The following COL1A1 variants were observed in gnomAD, a reference collection of about 807,000 sequenced individuals.
COL1A1 encodes collagen type I alpha 1 chain.
In COL1A1, 21 loss-of-function variants were observed where a neutral mutation model predicts 195.7. That is an observed-to-expected ratio of 0.11 (90% CI 0.08 to 0.15). The LOEUF is 0.15. Ranked by LOEUF, COL1A1 falls within the 10% of genes least tolerant of loss-of-function variation. COL1A1 has a pLI of 1.00. For missense variants in COL1A1, 1,365 were observed against 2,051.0 expected (o/e 0.67, Z 6.46); for synonymous variants, 749 against 747.3 (o/e 1.00, Z -0.04).
In COL1A1 at chr17:50,194,749, G is replaced by A. The variant is rs1484842263; in HGVS notation, c.1433C>T (p.Thr478Ile). The A allele has an allele frequency of 2.5e-6, 4 of 1,571,954 alleles. No individual in the cohort carries two copies. The change falls in exon 21 of 51, where the codon ACT becomes ATT. Residue 478 changes from threonine to isoleucine, a missense_variant. Transcript: ENST00000225964. The surrounding 1 kb of genome is among the most constrained non-coding windows in gnomAD (Gnocchi z 6.8). ...KRGARGEPGP[T>I]GLPGPPGERG... ...CTCGCCAGGGGGTCCGGGCAGGCCA[G>A]TGGGTCCGGGTTCACCTCGAGCTCC...
intron 9 of COL1A1, 129 bp from the exon 10 acceptor site, chr17:50,197,362 T>C: frequency 2.2e-6 from 2 of 902,526 alleles, no homozygotes; most frequent in Non-Finnish European, 3.6e-6. Context: ...AATCTTATCT[T>C]TGAATCTAGA....
In COL1A1 at chr17:50,189,646, C is replaced by T. The variant is rs1567755569; in HGVS notation, c.2667+33G>A. Reference sequence around the variant, plus strand: ...GGCAGCCCCCACCCAGCACCCCCAACCTAGAGCAGTGGACTCTGCTGCAGA... The same window carrying T: ...GGCAGCCCCCACCCAGCACCCCCAATCTAGAGCAGTGGACTCTGCTGCAGA... On this transcript the variant is annotated intron_variant, in intron 38 of 50. Coordinates refer to ENST00000225964, the MANE Select transcript of COL1A1 (RefSeq NM_000088.4). The surrounding 1 kb of genome is among the most constrained non-coding windows in gnomAD (Gnocchi z 5.5). The T allele has an allele frequency of 1.7e-5, 27 of 1,613,630 alleles. No homozygotes were observed. Among genetic ancestry groups the T allele is most frequent in the Non-Finnish European group, 1.7e-5 (20 of 1,179,788 alleles).
intron 25 of COL1A1, chr17:50,193,737 T>C: frequency 1.7e-6 from 1 of 601,154 alleles, no homozygotes. Flanking sequence ...CGCCTTGGCC[T>C]CCCAAAGTGC....
At position 50,188,252 on chromosome 17, in the gene COL1A1, T is replaced by C. The variant is rs528872105; in HGVS notation, c.3208-103A>G. 3.1e-5 allele frequency: 36 copies of C among 1,178,250 alleles called. No individual in the cohort carries two copies. The highest frequency in any genetic ancestry group is 1.1e-4 in the South Asian group (7 of 63,906). The allele number at this position is 1,178,250 out of a possible 1,614,324, so 73.0% of individuals were successfully genotyped here. ...GCTGGATCTCTCTCTCCTCAGCTGC[T>C]TCCCACTGTGGCCATCTCTCCCAAC... On this transcript the variant is annotated intron_variant, in intron 43 of 50. Coordinates refer to ENST00000225964, the MANE Select transcript of COL1A1 (RefSeq NM_000088.4). This position sits in a 1 kb window ranked among gnomAD's most constrained non-coding sequence, Gnocchi z 5.6.
At position 50,199,754 on chromosome 17, in the gene COL1A1, T is replaced by C; in HGVS notation, c.297A>G (p.Ser99=). ...CCCAGGCCCCGAGCGCAGCCGCACC[T>C]GAGCCGTCGGGGCAGACGGGACAGC... The part of the protein sequence containing the change: ...GECCPVCPDG[S]ESPTDQETTG... The change falls in exon 2 of 51, where the codon TCA becomes TCG. Residue 99 remains serine (S), a splice_region_variant and synonymous_variant. Coordinates refer to ENST00000225964, the MANE Select transcript of COL1A1 (RefSeq NM_000088.4). 1.2e-6 allele frequency: 2 copies of C among 1,611,918 alleles called. No individual in the cohort carries two copies. Among genetic ancestry groups the C allele is most frequent in the Non-Finnish European group, 1.7e-6 (2 of 1,179,636 alleles).
At chr17:50,197,656 G>C in intron 9 of COL1A1, 76 bp downstream of exon 9, 2 of 1,183,854 alleles carry the variant, frequency 1.7e-6, no homozygotes, top group Non-Finnish European at 2.4e-6. Flanking sequence ...TCCCAAATGT[G>C]GTGGAGTGGA....
intron 5 of COL1A1, 58 bp downstream of exon 5, chr17:50,199,168 C>G (rs542766871): frequency 1.4e-6 from 2 of 1,427,832 alleles, no homozygotes; most frequent in South Asian, 1.6e-5. Context: ...ATTATGTCAT[C>G]TGCCAAAAAA....
chr17:50,188,358 G>T lies in COL1A1; in HGVS notation c.3207+172C>A. On this transcript the variant is annotated intron_variant, in intron 43 of 50. Coordinates refer to ENST00000225964, the MANE Select transcript of COL1A1 (RefSeq NM_000088.4). This position sits in a 1 kb window ranked among gnomAD's most constrained non-coding sequence, Gnocchi z 5.6. ...AGAGGCGGTCCTGTCTGGGAGAGGG[G>T]ACTTGGGGCTGAGCTTTAACTCAGT... 1.2e-6 allele frequency: 1 copy of T among 821,028 alleles called. No homozygotes were observed. The highest frequency in any genetic ancestry group is 1.9e-6 in the Non-Finnish European group (1 of 516,082). The allele number at this position is 821,028 out of a possible 1,614,324, so 50.9% of individuals were successfully genotyped here. A position where few individuals can be genotyped will look rare whatever the true frequency, so the allele number is the denominator to read the frequency against.
In COL1A1 at chr17:50,191,970, G is replaced by A. The variant is rs762803642; in HGVS notation, c.2028+10C>T. ...CACCTTGACGGATGCAGCGAGAGAG[G>A]CCTACTTACTCTTGCTCCAGAGGGG... On this transcript the variant is annotated intron_variant, in intron 30 of 50. Coordinates refer to ENST00000225964, the MANE Select transcript of COL1A1 (RefSeq NM_000088.4). The A allele has an allele frequency of 1.2e-6, 2 of 1,612,176 alleles. No homozygotes were observed. The highest frequency in any genetic ancestry group is 1.7e-6 in the Non-Finnish European group (2 of 1,179,360).
intron 25 of COL1A1, chr17:50,193,369 G>T (rs1295396226): frequency 8.2e-6 from 4 of 488,414 alleles, no homozygotes; most frequent in South Asian, 2.3e-5. Flanking sequence ...CATATCAAAG[G>T]CCTGTCCTAT....
chr17:50,185,564 A>C lies in COL1A1; in HGVS notation c.4333T>G (p.Leu1445Val). Residue 1445 changes from leucine to valine, a missense_variant, in exon 51 of 51, where the codon TTG becomes GTG. This residue lies in a region of COL1A1 where 273 missense variants were observed against 338.6 expected (regional missense o/e 0.81). Transcript: ENST00000225964. ...TCCTGGTCTGGGGCACCAACGTCCA[A>C]GGGGGCCACATCGATGATGGGCAGG... ...SRLPIIDVAP[L>V]DVGAPDQEFG... 1 of 1,612,682 alleles carries C rather than the reference A, an allele frequency of 6.2e-7. No homozygotes were observed. Among genetic ancestry groups the C allele is most frequent in the Non-Finnish European group, 8.5e-7 (1 of 1,179,708 alleles).
chr17:50,199,719 GGCC>G (rs775212226), intron 2 of COL1A1, 31 bp downstream of exon 2: 9 of 225,124 alleles, frequency 4.0e-5, no homozygotes, highest in Admixed American at 1.9e-4. Context: ...CCAGGCCCCA[GGCC>G]CCAGGCCCCA....
rs1906782351 is a variant in COL1A1 at position 50,188,685 on chromosome 17, A to G, written c.3100-48T>C. 1 of 1,613,152 alleles carries G rather than the reference A, an allele frequency of 6.2e-7. No individual in the cohort carries two copies. Among genetic ancestry groups the G allele is most frequent in the Non-Finnish European group, 8.5e-7 (1 of 1,179,252 alleles). The stretch of plus-strand genomic sequence containing the variant: ...ATGGGTCAGCCCCGGGTGAAGGGCC[A>G]GGATGGGGCAGGGAAGCAGCAGACA... On this transcript the variant is annotated intron_variant, in intron 42 of 50. Coordinates refer to ENST00000225964, the MANE Select transcript of COL1A1 (RefSeq NM_000088.4). This position sits in a 1 kb window ranked among gnomAD's most constrained non-coding sequence, Gnocchi z 5.6.
rs775462973 is a variant in COL1A1 at position 50,186,684 on chromosome 17, C to A, written c.3770G>T (p.Arg1257Leu). 1.2e-6 allele frequency: 2 copies of A among 1,613,556 alleles called. No homozygotes were observed. Among genetic ancestry groups the A allele is most frequent in the Admixed American group, 3.3e-5 (2 of 60,014 alleles). The stretch of plus-strand genomic sequence containing the variant: ...GCACATCTTGAGGTCACGGCAGGTG[C>A]GGGCGGGGTTCTTGCGGCTGCCCTC... ...SPEGSRKNPA[R>L]TCRDLKMCHS... Residue 1257 changes from arginine (R) to leucine (L), a missense_variant, in exon 48 of 51, where the codon CGC (arginine) becomes CTC (leucine). By Grantham distance (102) the Arg-to-Leu change is moderately radical. Around this residue, in one of 5 missense-constraint regions of COL1A1, gnomAD observed 273 missense variants for 338.6 expected, o/e 0.81. Coordinates refer to ENST00000225964, the MANE Select transcript of COL1A1 (RefSeq NM_000088.4). This position sits in a 1 kb window ranked among gnomAD's most constrained non-coding sequence, Gnocchi z 5.3.
chr17:50,187,106 G>T lies in COL1A1; in HGVS notation c.3440C>A (p.Ala1147Asp). ...GAGTCCATCTTTGCCAGGAGCACCA[G>T]CAGAGCCAGGGGGACCCTGGAGTGG... ...PAGPRGPPGS[A>D]GAPGKDGLNG... is the part of the protein sequence containing the mutation. Residue 1147 changes from alanine to aspartate, a missense_variant, in exon 47 of 51, where the codon GCT (alanine) becomes GAT (aspartate). Physicochemically the swap from Ala to Asp is moderately radical, Grantham distance 126. Around this residue, in one of 5 missense-constraint regions of COL1A1, gnomAD observed 671 missense variants for 1,099.9 expected, o/e 0.61. Coordinates refer to ENST00000225964, the MANE Select transcript of COL1A1 (RefSeq NM_000088.4). The T allele has an allele frequency of 6.2e-7, 1 of 1,611,138 alleles. No homozygotes were observed. Among genetic ancestry groups the T allele is most frequent in the Non-Finnish European group, 8.5e-7 (1 of 1,178,822 alleles).
intron 1 of COL1A1, among the ~76,000 whole-genome samples, chr17:50,200,586 T>A (rs1294513176): frequency 6.6e-6 from 1 of 152,234 alleles, no homozygotes; most frequent in Non-Finnish European, 1.5e-5. Context: ...CAGGTCACTT[T>A]TAGCCAAAGA....
At chr17:50,187,572 G>C (rs1300364471) in intron 45 of COL1A1, 35 bp from the exon 46 acceptor site, 1 of 1,611,502 alleles carries the variant, frequency 6.2e-7, no homozygotes, top group East Asian at 2.2e-5. Flanking sequence ...TTCAGGCCCA[G>C]TGAGCGTCAA....
chr17:50,197,980 G>A lies in COL1A1; in HGVS notation c.611C>T (p.Pro204Leu). 6.2e-7 allele frequency: 1 copy of A among 1,614,088 alleles called. No homozygotes were observed. The highest frequency in any genetic ancestry group is 8.5e-7 in the Non-Finnish European group (1 of 1,179,998). Residue 204 changes from proline to leucine, a missense_variant, in exon 8 of 51, where the codon CCC becomes CTC. Pro to Leu is a moderately conservative substitution (Grantham distance 98). Around this residue, in one of 5 missense-constraint regions of COL1A1, gnomAD observed 226 missense variants for 372.9 expected, o/e 0.61. Coordinates refer to ENST00000225964, the MANE Select transcript of COL1A1 (RefSeq NM_000088.4). ...GAPGPQGFQGPPGEPGEPGAS... is the reference protein window; with the variant it reads ...GAPGPQGFQGLPGEPGEPGAS... ...TCCAGGCTCGCCAGGCTCACCAGGGGGACCTTGGAAGCCTTGGGGACCCTT... is the reference window on the plus strand; with the variant it reads ...TCCAGGCTCGCCAGGCTCACCAGGGAGACCTTGGAAGCCTTGGGGACCCTT...
In COL1A1 at chr17:50,194,551, C is replaced by G. The variant is rs1156288180; in HGVS notation, c.1515+22G>C. The G allele has an allele frequency of 2.6e-5, 41 of 1,602,052 alleles. No homozygotes were observed. The highest frequency in any genetic ancestry group is 3.4e-5 in the Non-Finnish European group (40 of 1,174,548). ...GCCCAGGGAGCGGCAGGGTCAGCCC[C>G]CCGGCCGCAAGGAGAGGTTACCTTG... is the stretch of plus-strand genomic sequence containing the variant. On this transcript the variant is annotated intron_variant, in intron 22 of 50. Transcript: ENST00000225964. The surrounding 1 kb of genome is among the most constrained non-coding windows in gnomAD (Gnocchi z 6.8).
Sources: gnomAD v4.1 joint callset for allele counts (sites outside exome capture counted in the v4.1 genomes callset) on GRCh38, gnomAD v4.1.1 for gene constraint, gnomAD v4.1.1 regional missense constraint, Gnocchi (gnomAD v3.1) non-coding constraint, MANE v1.5 for transcripts, NCBI Gene and HGNC (gene_info 2026-07-23, HGNC 2026-07-21) for gene names.